The following CCDC7 variants were observed in gnomAD, a reference collection of about 807,000 sequenced individuals.
CCDC7 encodes coiled-coil domain containing 7, also known as coiled-coil domain-containing protein 7.
A neutral mutation model predicts 196.9 loss-of-function variants in CCDC7; 183 were observed. The observed-to-expected ratio is 0.93, with a 90% CI of 0.82 to 1.05. The LOEUF (loss-of-function observed/expected upper bound fraction) is 1.05. CCDC7 is among the 50% of genes least tolerant of loss of function. CCDC7 has a pLI of 0.00. For missense variants in CCDC7, 1,540 were observed against 1,482.2 expected (o/e 1.04, Z -0.64); for synonymous variants, 525 against 484.6 (o/e 1.08, Z -1.10).
intron 41 of CCDC7, among the ~76,000 whole-genome samples, chr10:32,866,170 T>C (rs576199845): frequency 1.8e-4 from 27 of 151,952 alleles, no homozygotes; most frequent in African/African-American, 6.3e-4. Flanking sequence ...ATACAACTTC[T>C]AGATGACAAA....
chr10:32,690,000 G>T (rs1247125048), intron 23 of CCDC7, among the ~76,000 whole-genome samples: 1 of 152,194 alleles, frequency 6.6e-6, no homozygotes, highest in African/African-American at 2.4e-5. Context: ...CTCCCAAAGT[G>T]CTGGCATTGC....
At chr10:32,633,756 A>G (rs927454887) in intron 18 of CCDC7, among the ~76,000 whole-genome samples, 1 of 146,300 alleles carries the variant, frequency 6.8e-6, no homozygotes, top group Non-Finnish European at 1.5e-5. Context: ...GTGTGTGTAT[A>G]TATATATGTT....
At chr10:32,677,851 A>G (rs950217614) in intron 21 of CCDC7, among the ~76,000 whole-genome samples, 1 of 152,130 alleles carries the variant, frequency 6.6e-6, no homozygotes, top group East Asian at 1.9e-4. Context: ...ATTGGTTCAC[A>G]TGATGGTATC....
chr10:32,730,325 AT>A (rs2083746788), intron 28 of CCDC7, among the ~76,000 whole-genome samples: 1 of 151,926 alleles, frequency 6.6e-6, no homozygotes, highest in East Asian at 1.9e-4. Context: ...CTAATTATTG[AT>A]TTTTTAGGTG....
intron 11 of CCDC7, among the ~76,000 whole-genome samples, chr10:32,529,916 A>T (rs1438854645): frequency 1.3e-5 from 2 of 152,166 alleles, no homozygotes; most frequent in African/African-American, 4.8e-5. Context: ...CTTAGATTTA[A>T]GTCTTTGATC....
At chr10:32,605,270 C>T (rs1332236449) in intron 18 of CCDC7, among the ~76,000 whole-genome samples, 2 of 152,156 alleles carry the variant, frequency 1.3e-5, no homozygotes, top group Non-Finnish European at 2.9e-5. Context: ...CCAATTAAAC[C>T]TCTTTTATTT....
rs939552063 is a variant in CCDC7 at position 32,597,063 on chromosome 10, T to A, written c.1801+12759T>A. Among the ~76,000 whole-genome samples, 4 of 152,190 alleles carry A rather than the reference T, an allele frequency of 2.6e-5. No individual in the cohort carries two copies. In the South Asian group the frequency reaches 8.3e-4, roughly 32 times the overall value. Reference sequence around the variant, plus strand: ...GTTCTCTGTATTTCCCGAATTTGAATGTTGGCCTGCCTCACTAGGTTGGGG... The same window carrying A: ...GTTCTCTGTATTTCCCGAATTTGAAAGTTGGCCTGCCTCACTAGGTTGGGG... On this transcript the variant is annotated intron_variant, in intron 18 of 41. Coordinates refer to ENST00000639629, the Ensembl canonical transcript of CCDC7.
chr10:32,449,215 T>A (rs1290546179), upstream of CCDC7, among the ~76,000 whole-genome samples: 3 of 151,992 alleles, frequency 2.0e-5, no homozygotes, highest in African/African-American at 7.2e-5. Flanking sequence ...TGAGATGGAG[T>A]CTTACTCCAT....
intron 28 of CCDC7, among the ~76,000 whole-genome samples, chr10:32,753,630 G>A (rs1056671740): frequency 6.6e-6 from 1 of 152,030 alleles, no homozygotes; most frequent in African/African-American, 2.4e-5. Flanking sequence ...GACTATATTT[G>A]GCTTTAAAGT....
At chr10:32,682,894 C>T (rs1160553860) in intron 21 of CCDC7, among the ~76,000 whole-genome samples, 1 of 152,114 alleles carries the variant, frequency 6.6e-6, no homozygotes, top group African/African-American at 2.4e-5. Flanking sequence ...CTGGATATTA[C>T]ACCTTTGTTA....
intron 32 of CCDC7, 86 bp from the exon 34 acceptor site, chr10:32,834,729 C>G (rs528549967): frequency 1.1e-5 from 6 of 550,994 alleles, no homozygotes; most frequent in Admixed American, 1.0e-4. Flanking sequence ...TTCATACATA[C>G]AAATATACTA....
At chr10:32,716,220 C>T (rs987486953) in intron 25 of CCDC7, among the ~76,000 whole-genome samples, 1 of 152,210 alleles carries the variant, frequency 6.6e-6, no homozygotes, top group African/African-American at 2.4e-5. Flanking sequence ...AGAAGCCCTA[C>T]AAACCAGAAG....
At chr10:32,533,852 G>T (rs77090908) in intron 11 of CCDC7, among the ~76,000 whole-genome samples, 5,590 of 151,838 alleles carry the variant, frequency 0.037, 112 homozygotes, top group Non-Finnish European at 0.05. Context: ...ACCTTTGAGA[G>T]CTTCATTATT....
chr10:32,688,816 A>G (rs540785629), intron 22 of CCDC7, among the ~76,000 whole-genome samples: 41 of 152,346 alleles, frequency 2.7e-4, no homozygotes, highest in Non-Finnish European at 4.1e-4. Flanking sequence ...TAAGAAAGCC[A>G]GAGACTAAGA....
At chr10:32,847,276 C>T (rs2093339668) in intron 37 of CCDC7, among the ~76,000 whole-genome samples, 1 of 152,054 alleles carries the variant, frequency 6.6e-6, no homozygotes, top group Non-Finnish European at 1.5e-5. Context: ...GGAGATGCTA[C>T]AATATACTAC....
chr10:32,685,033 A>G (rs1399501819), intron 21 of CCDC7, among the ~76,000 whole-genome samples: 1 of 152,072 alleles, frequency 6.6e-6, no homozygotes, highest in Non-Finnish European at 1.5e-5. Context: ...TACTTAGAGA[A>G]GTTCCATTCC....
At chr10:32,619,900 T>C (rs1392086372) in intron 18 of CCDC7, among the ~76,000 whole-genome samples, 2 of 140,212 alleles carry the variant, frequency 1.4e-5, no homozygotes, top group Non-Finnish European at 3.0e-5. Context: ...CTCCCAGCCC[T>C]TCAATGTACC....
chr10:32,863,524 T>G (rs2094085485), intron 41 of CCDC7, among the ~76,000 whole-genome samples: 1 of 151,988 alleles, frequency 6.6e-6, no homozygotes, highest in East Asian at 1.9e-4. Context: ...AGCTATTTTT[T>G]TAATTTTTTG....
chr10:32,511,091 T>C (rs985615814), intron 9 of CCDC7, among the ~76,000 whole-genome samples: 62 of 152,134 alleles, frequency 4.1e-4, no homozygotes, highest in African/African-American at 1.4e-3. Flanking sequence ...AAAGAGATGG[T>C]AAATTATAAA....
Sources: allele counts gnomAD v4.1 joint callset (sites outside exome capture counted in the v4.1 genomes callset), GRCh38; gene constraint gnomAD v4.1.1; transcripts MANE v1.5; gene names NCBI Gene and HGNC (gene_info 2026-07-23, HGNC 2026-07-21).